SNTB1: variants seen among roughly 807,000 people sequenced by gnomAD.
SNTB1 encodes the protein beta-1-syntrophin.
In SNTB1, 36 loss-of-function variants were observed where a neutral mutation model predicts 48.9. The observed-to-expected ratio is 0.74, with a 90% CI of 0.56 to 0.97. The LOEUF (loss-of-function observed/expected upper bound fraction) is 0.97, where lower values mean the gene tolerates loss of function less well. Ranked by LOEUF, SNTB1 falls within the 50% of genes least tolerant of loss-of-function variation. The pLI is 0.00. For synonymous variants in SNTB1, 299 were observed against 294.6 expected, an observed-to-expected ratio of 1.01 and a Z score of -0.15; for missense variants, 786 against 703.4, an observed-to-expected ratio of 1.12 and a Z score of -1.33.
chr8:120,536,156 G>A lies in SNTB1; in HGVS notation c.*2721C>T, dbSNP rs1451292895. 6.6e-6 allele frequency: 1 copy of A among 152,092 alleles called. No individual in the cohort carries two copies. Among genetic ancestry groups the A allele is most frequent in the East Asian group, 1.9e-4 (1 of 5,200 alleles). The allele number at this position is 152,092 out of a possible 1,614,324, so 9.4% of individuals were successfully genotyped here. A position where few individuals can be genotyped will look rare whatever the true frequency, so the allele number is the denominator to read the frequency against. On this transcript the variant is annotated 3_prime_UTR_variant, in exon 7 of 7. Transcript: ENST00000517992. The stretch of plus-strand genomic sequence containing the variant: ...AAAACCAATATCTATATTCCTATTG[G>A]CCTTCTTTAAATCCCTATGAGATGG...
intron 1 of SNTB1, chr8:120,761,167 A>G (rs533674561): frequency 5.8e-4 from 88 of 152,316 alleles, no homozygotes; most frequent in African/African-American, 2.1e-3. Context: ...CGCCATATCA[A>G]TAGGATTCCC....
At chr8:120,749,632 T>C (rs1400132590) in intron 1 of SNTB1, among the ~76,000 whole-genome samples, 1 of 152,134 alleles carries the variant, frequency 6.6e-6, no homozygotes, top group Non-Finnish European at 1.5e-5. Context: ...GAAAGTCTTA[T>C]GAACAACTGT....
intron 1 of SNTB1, among the ~76,000 whole-genome samples, chr8:120,736,283 C>A (rs552337681): frequency 6.9e-4 from 105 of 152,216 alleles, no homozygotes; most frequent in African/African-American, 2.4e-3. Flanking sequence ...TGGGTGGGGA[C>A]ACAAAGCCTA....
intron 1 of SNTB1, among the ~76,000 whole-genome samples, chr8:120,716,301 C>T (rs1184640022): frequency 6.6e-6 from 1 of 152,208 alleles, no homozygotes; most frequent in East Asian, 1.9e-4. Flanking sequence ...ACAATTTTCA[C>T]TTGAAATATA....
intron 3 of SNTB1, among the ~76,000 whole-genome samples, chr8:120,617,686 G>A (rs1003195247): frequency 3.9e-5 from 6 of 152,132 alleles, no homozygotes; most frequent in Non-Finnish European, 8.8e-5. Context: ...GCATAATAGC[G>A]TGTCCAACCT....
chr8:120,794,514 T>C (rs73707125), intron 1 of SNTB1, among the ~76,000 whole-genome samples: 3,497 of 152,024 alleles, frequency 0.023, 127 homozygotes, highest in African/African-American at 0.08. Context: ...CTCAAGTATA[T>C]AAAAATATGT....
chr8:120,588,597 A>G (rs919353813), intron 3 of SNTB1, among the ~76,000 whole-genome samples: 5 of 151,978 alleles, frequency 3.3e-5, no homozygotes, highest in African/African-American at 1.2e-4. Context: ...CATAAATCTT[A>G]TCTGACACTT....
At chr8:120,700,414 G>A (rs906019419) in intron 1 of SNTB1, among the ~76,000 whole-genome samples, 2 of 152,144 alleles carry the variant, frequency 1.3e-5, no homozygotes, top group Admixed American at 6.5e-5. Context: ...TGTGCTTACC[G>A]GCAGTAATTT....
intron 1 of SNTB1, among the ~76,000 whole-genome samples, chr8:120,801,323 A>T (rs1820222285): frequency 6.6e-6 from 1 of 152,054 alleles, no homozygotes; most frequent in Non-Finnish European, 1.5e-5. Context: ...TCTGTGAAAC[A>T]TTCCATTCAA....
chr8:120,574,953 G>A, intron 4 of SNTB1, 133 bp downstream of exon 4: 1 of 1,035,058 alleles, frequency 9.7e-7, no homozygotes, highest in Non-Finnish European at 1.4e-6. Flanking sequence ...CTAAAAATGT[G>A]TGGCTATATT....
intron 3 of SNTB1, among the ~76,000 whole-genome samples, chr8:120,610,649 C>T (rs1587029367): frequency 6.6e-6 from 1 of 152,232 alleles, no homozygotes; most frequent in East Asian, 1.9e-4. Flanking sequence ...AAGTGGGCAA[C>T]TTGAGAAACC....
intron 1 of SNTB1, among the ~76,000 whole-genome samples, chr8:120,773,587 T>C (rs1216553894): frequency 2.6e-5 from 4 of 152,148 alleles, no homozygotes; most frequent in Non-Finnish European, 5.9e-5. Context: ...CTGGTCCTTT[T>C]AGGAATCCCT....
At chr8:120,769,601 A>C (rs1403957721) in intron 1 of SNTB1, 1 of 152,256 alleles carries the variant, frequency 6.6e-6, no homozygotes, top group African/African-American at 2.4e-5. Context: ...ACCATGCTGG[A>C]GGAAGCCCAG....
At chr8:120,598,817 T>C (rs1270809940) in intron 3 of SNTB1, among the ~76,000 whole-genome samples, 2 of 152,198 alleles carry the variant, frequency 1.3e-5, no homozygotes, top group African/African-American at 4.8e-5. Flanking sequence ...TGCATTTTTT[T>C]TCAGCCCTGC....
chr8:120,728,429 T>C (rs1353162677), intron 1 of SNTB1, among the ~76,000 whole-genome samples: 1 of 152,222 alleles, frequency 6.6e-6, no homozygotes, highest in Non-Finnish European at 1.5e-5. Context: ...TAAATGATCC[T>C]GTCACCCAGG....
At chr8:120,687,655 A>G (rs1005501698) in intron 2 of SNTB1, among the ~76,000 whole-genome samples, 16 of 152,238 alleles carry the variant, frequency 1.1e-4, no homozygotes, top group Non-Finnish European at 2.2e-4. Context: ...ATCTACTCAG[A>G]AAGAGTGCAT....
intron 2 of SNTB1, among the ~76,000 whole-genome samples, chr8:120,643,253 G>A (rs1817225664): frequency 6.6e-6 from 1 of 152,326 alleles, no homozygotes; most frequent in African/African-American, 2.4e-5. Context: ...CACACACCAT[G>A]TTTGTTGTTA....
At chr8:120,680,752 G>A (rs953760297) in intron 2 of SNTB1, among the ~76,000 whole-genome samples, 4 of 152,146 alleles carry the variant, frequency 2.6e-5, no homozygotes, top group African/African-American at 9.7e-5. Flanking sequence ...ACAAAATAGA[G>A]TTCAATTAAT....
chr8:120,677,282 A>G (rs555469387), intron 2 of SNTB1, among the ~76,000 whole-genome samples: 1 of 152,264 alleles, frequency 6.6e-6, no homozygotes, highest in East Asian at 1.9e-4. Flanking sequence ...ATATAAATTT[A>G]TTGGAATATT....
Sources: gnomAD v4.1 joint callset for allele counts (sites outside exome capture counted in the v4.1 genomes callset) on GRCh38, gnomAD v4.1.1 for gene constraint, MANE v1.5 for transcripts, NCBI Gene and HGNC (gene_info 2026-07-23, HGNC 2026-07-21) for gene names.